ZNF695: variants seen among roughly 807,000 people sequenced by gnomAD.
The protein encoded by ZNF695 is zinc finger protein SBZF3.
Under a neutral mutation model 11.2 loss-of-function variants are expected in ZNF695, and 11 were observed. That is an observed-to-expected ratio of 0.98 (90% CI 0.62 to 1.62). The LOEUF is 1.62. Among genes scored for constraint, ZNF695 ranks in the 40% most tolerant of loss-of-function variants. The pLI is 0.00. For synonymous variants in ZNF695, 190 were observed against 201.4 expected (o/e 0.94, Z 0.48); for missense variants, 559 against 590.5 (o/e 0.95, Z 0.55).
At chr1:246,983,290 AGGG>A (rs890851740), downstream of ZNF695, among the ~76,000 whole-genome samples, 2 of 149,388 alleles carry the variant, frequency 1.3e-5, no homozygotes, top group African/African-American at 5.0e-5. Context: ...AGGCTGAGGT[AGGG>A]GGGTTGCTTG....
chr1:246,965,218 A>G (rs1779984), intron 5 of ZNF695, among the ~76,000 whole-genome samples: 95,786 of 151,800 alleles, frequency 0.63, 32,600 homozygotes, highest in African/African-American at 0.9. Flanking sequence ...TTAGCTGGGC[A>G]TGGTGGCGGG....
At position 246,965,229 on chromosome 1, in the gene ZNF695, C is replaced by T. The variant is rs182010148; in HGVS notation, c.488+2466G>A. 7.0e-3 allele frequency among the ~76,000 whole-genome samples: 1,067 copies of T among 151,714 alleles called. 39 individuals are homozygous for T. The South Asian group carries it at 0.12, about 17-fold the overall frequency. Reference sequence around the variant, plus strand: ...AACATTAGCTGGGCATGGTGGCGGGCGCCTGTAGTCCCAGCTACTCGGGAG... The same window carrying T: ...AACATTAGCTGGGCATGGTGGCGGGTGCCTGTAGTCCCAGCTACTCGGGAG... On this transcript the variant is annotated intron_variant, in intron 5 of 5. Transcript: ENST00000487338.
chr1:246,951,785 C>A (rs1372867767), intron 5 of ZNF695, among the ~76,000 whole-genome samples: 2 of 152,096 alleles, frequency 1.3e-5, no homozygotes, highest in Non-Finnish European at 2.9e-5. Context: ...GCTGGGCCAG[C>A]CCTTTGGGAC....
chr1:246,949,643 C>T (rs1377349234), intron 5 of ZNF695, among the ~76,000 whole-genome samples: 3 of 151,864 alleles, frequency 2.0e-5, no homozygotes, highest in Non-Finnish European at 4.4e-5. Context: ...CTGGGGTTTC[C>T]TTCCTGACTG....
chr1:246,996,155 G>A, intron 3 of ZNF695: 1 of 372,160 alleles, frequency 2.7e-6, no homozygotes, highest in Non-Finnish European at 5.2e-6. Context: ...AGACCAGCCT[G>A]GCCAACATGG....
intron 5 of ZNF695, among the ~76,000 whole-genome samples, chr1:246,959,309 AAATATATATATATATATATATATATAT>A (rs1668098271): frequency 1.6e-5 from 1 of 60,718 alleles, no homozygotes; most frequent in African/African-American, 8.1e-5. Context: ...AAAAAAAAAA[AAATATATATATATATATATATATATAT>A]ATATATATAT....
At position 246,986,187 on chromosome 1, in the gene ZNF695, G is replaced by T; in HGVS notation, c.*780C>A. The T allele has an allele frequency of 2.0e-6, 1 of 512,136 alleles. No homozygotes were observed. Among genetic ancestry groups the T allele is most frequent in the Non-Finnish European group, 2.5e-6 (1 of 397,782 alleles). 31.7% of individuals were successfully genotyped at this position (512,136 alleles called of 1,614,324 possible). A position where few individuals can be genotyped will look rare whatever the true frequency, so the allele number is the denominator to read the frequency against. ...AGGCTCAAGCAATCCTCCCACCTGAGCCTTCCAAGTAGCTGGGACAACAGG... is the reference window on the plus strand; with the variant it reads ...AGGCTCAAGCAATCCTCCCACCTGATCCTTCCAAGTAGCTGGGACAACAGG... On this transcript the variant is annotated 3_prime_UTR_variant, in exon 4 of 4. Transcript: ENST00000339986.
In ZNF695 at chr1:246,985,570, G is replaced by T; in HGVS notation, c.*1397C>A. The stretch of plus-strand genomic sequence containing the variant: ...TAGGTTAACGTTGGTGGTAGGATAC[G>T]CATCACTTAATGTACAACGGTCCAA... On this transcript the variant is annotated 3_prime_UTR_variant, in exon 4 of 4. Coordinates refer to ENST00000339986, the MANE Select transcript of ZNF695 (RefSeq NM_020394.5). 1 of 984,854 alleles carries T rather than the reference G, an allele frequency of 1.0e-6. No homozygotes were observed. The highest frequency in any genetic ancestry group is 1.2e-6 in the Non-Finnish European group (1 of 829,844). 61.0% of individuals were successfully genotyped at this position (984,854 alleles called of 1,614,324 possible).
chr1:246,987,720 C>T lies in ZNF695; in HGVS notation c.795G>A (p.Lys265=), dbSNP rs1171539983. 1.6e-5 allele frequency: 26 copies of T among 1,591,770 alleles called. No homozygotes were observed. The East Asian group carries it at 5.8e-4, about 36-fold the overall frequency. The change falls in exon 4 of 4, where the codon AAG becomes AAA. Residue 265 remains lysine, a synonymous_variant. Transcript: ENST00000339986. ...LAVVEKNHTE[K]KTYRCEECGK... Reference sequence around the variant, plus strand: ...CACATTCTTCACATCTGTAGGTTTTCTTTTCAGTATGATTTTTCTCAACAA... The same window carrying T: ...CACATTCTTCACATCTGTAGGTTTTTTTTTCAGTATGATTTTTCTCAACAA...
intron 4 of ZNF695, chr1:246,968,661 C>G (rs1668348194): frequency 6.6e-6 from 1 of 152,286 alleles, no homozygotes; most frequent in Non-Finnish European, 1.5e-5. Flanking sequence ...AAGCAAATTT[C>G]TGCCTGGATA....
chr1:246,998,783 T>C (rs1235311364), intron 3 of ZNF695, among the ~76,000 whole-genome samples: 1 of 152,132 alleles, frequency 6.6e-6, no homozygotes, highest in Admixed American at 6.5e-5. Context: ...TGGGCTAACA[T>C]GGTGAAACCC....
downstream of ZNF695, among the ~76,000 whole-genome samples, chr1:246,985,096 T>C (rs369680775): frequency 6.6e-6 from 1 of 152,308 alleles, no homozygotes; most frequent in South Asian, 2.1e-4. Context: ...CCAACATTTT[T>C]CTCTTATTCT....
intron 5 of ZNF695, among the ~76,000 whole-genome samples, chr1:246,959,299 AAAAAAAAAAAAATATATATATATATATAT>A (rs1388863978): frequency 2.4e-4 from 16 of 67,542 alleles, no homozygotes; most frequent in African/African-American, 1.1e-3. Flanking sequence ...AAAAAAAAAA[AAAAAAAAAAAAATATATATATATATATAT>A]ATATATATAT....
intron 5 of ZNF695, among the ~76,000 whole-genome samples, chr1:246,965,305 C>T (rs200187020): frequency 2.8e-5 from 4 of 140,362 alleles, no homozygotes; most frequent in African/African-American, 8.0e-5. Context: ...TGCAGTGAGC[C>T]GAGATAGCGC....
intron 3 of ZNF695, among the ~76,000 whole-genome samples, chr1:246,989,344 G>A (rs974787569): frequency 2.0e-5 from 3 of 152,114 alleles, no homozygotes; most frequent in Non-Finnish European, 2.9e-5. Flanking sequence ...ATAAGAAACA[G>A]CAAAAAGTTA....
chr1:246,983,067 G>A (rs1048715728), downstream of ZNF695, among the ~76,000 whole-genome samples: 10 of 152,154 alleles, frequency 6.6e-5, no homozygotes, highest in East Asian at 1.7e-3. Flanking sequence ...AGCCGGGTGT[G>A]GTGGCGGGCG....
At chr1:246,970,750 A>T (rs2103011885) in intron 4 of ZNF695, among the ~76,000 whole-genome samples, 1 of 152,328 alleles carries the variant, frequency 6.6e-6, no homozygotes. Flanking sequence ...GGCTAAAAAC[A>T]AAGTGTTTTG....
chr1:246,963,946 C>T (rs927154343), intron 5 of ZNF695, among the ~76,000 whole-genome samples: 3 of 152,320 alleles, frequency 2.0e-5, no homozygotes, highest in Admixed American at 6.5e-5. Context: ...TCCCATGGTG[C>T]CCTCCTTGGA....
intron 4 of ZNF695, among the ~76,000 whole-genome samples, chr1:246,979,025 A>G (rs1218192259): frequency 6.6e-6 from 1 of 152,096 alleles, no homozygotes; most frequent in Non-Finnish European, 1.5e-5. Flanking sequence ...CTGTGGTTTC[A>G]CCTTGGAAGC....
Sources: gnomAD v4.1 joint callset for allele counts (sites outside exome capture counted in the v4.1 genomes callset) on GRCh38, gnomAD v4.1.1 for gene constraint, MANE v1.5 for transcripts, NCBI Gene and HGNC (gene_info 2026-07-23, HGNC 2026-07-21) for gene names.